AXIN2: variants seen among roughly 807,000 people sequenced by gnomAD.
AXIN2 encodes axin-2.
A neutral mutation model predicts 74.7 loss-of-function variants in AXIN2; 21 were observed. The ratio of observed to expected loss-of-function variants is 0.28; its 90% CI spans 0.20 to 0.40. The LOEUF (loss-of-function observed/expected upper bound fraction) is 0.40, where lower values mean the gene tolerates loss of function less well. Ranked by LOEUF, AXIN2 falls within the 10% of genes least tolerant of loss-of-function variation. The pLI is 1.00. For missense variants in AXIN2, 1,144 were observed against 1,111.1 expected, an observed-to-expected ratio of 1.03 and a Z score of -0.42; for synonymous variants, 532 against 454.9, an observed-to-expected ratio of 1.17 and a Z score of -2.16.
At chr17:65,539,822 C>T (rs1725146310) in intron 4 of AXIN2, among the ~76,000 whole-genome samples, 1 of 152,154 alleles carries the variant, frequency 6.6e-6, no homozygotes, top group Admixed American at 6.5e-5. Flanking sequence ...TGCTTTCTTC[C>T]CCTCCCCTCC....
rs769558841 is a variant in AXIN2, at chr17:65,537,546, C to T, written c.1490G>A (p.Cys497Tyr). The T allele has an allele frequency of 1.2e-6, 2 of 1,612,824 alleles. No individual in the cohort carries two copies. The highest frequency in any genetic ancestry group is 1.7e-4 in the Middle Eastern group (1 of 5,938). ...LPPAAASPGACPLLGGKGFVT... is the reference protein window; with the variant it reads ...LPPAAASPGAYPLLGGKGFVT... ...AAAGCCTTTGCCCCCGAGGAGGGGG[C>T]AGGCGCCCGGCGAGGCGGCCGCGGG... is the stretch of plus-strand genomic sequence containing the variant. Residue 497 changes from cysteine (C) to tyrosine (Y), a missense_variant, in exon 6 of 11, where the codon TGC (cysteine) becomes TAC (tyrosine). Physicochemically the swap from Cys to Tyr is radical, Grantham distance 194. This residue lies in a region of AXIN2 where 1,053 missense variants were observed against 973.5 expected (regional missense o/e 1.08). Coordinates refer to ENST00000307078, the MANE Select transcript of AXIN2 (RefSeq NM_004655.4).
At chr17:65,557,585 C>T (rs542996226) in intron 2 of AXIN2, among the ~76,000 whole-genome samples, 3 of 152,334 alleles carry the variant, frequency 2.0e-5, no homozygotes, top group African/African-American at 4.8e-5. Flanking sequence ...CTGCTTGCCA[C>T]TGTTTGAAGT....
chr17:65,554,790 C>T (rs963197581), intron 2 of AXIN2, among the ~76,000 whole-genome samples: 2 of 152,144 alleles, frequency 1.3e-5, no homozygotes, highest in Non-Finnish European at 2.9e-5. Flanking sequence ...CACAAGGGCC[C>T]GTGCAGAAAG....
chr17:65,539,620 T>C (rs1598102389), intron 4 of AXIN2, among the ~76,000 whole-genome samples: 1 of 152,250 alleles, frequency 6.6e-6, no homozygotes, highest in East Asian at 1.9e-4. Flanking sequence ...AATTTTAATA[T>C]GCTAATTTTA....
At chr17:65,534,599 C>G (rs1055352807) in intron 9 of AXIN2, among the ~76,000 whole-genome samples, 1 of 152,162 alleles carries the variant, frequency 6.6e-6, no homozygotes, top group African/African-American at 2.4e-5. Flanking sequence ...TGTCCATTTC[C>G]CCATTTCTTC....
At chr17:65,553,370 A>C (rs3923086) in intron 2 of AXIN2, among the ~76,000 whole-genome samples, 62,343 of 152,008 alleles carry the variant, frequency 0.41, 16,121 homozygotes, top group Non-Finnish European at 0.57. Context: ...AATAGCATTC[A>C]AACACTCTTT....
At chr17:65,560,810 G>T (rs986713785) in intron 1 of AXIN2, 1 of 149,822 alleles carries the variant, frequency 6.7e-6, no homozygotes, top group African/African-American at 2.5e-5. Context: ...CGGCCGCCTC[G>T]GCCTCGGCAC....
At chr17:65,551,606 G>C (rs2044194548) in intron 2 of AXIN2, among the ~76,000 whole-genome samples, 1 of 152,200 alleles carries the variant, frequency 6.6e-6, no homozygotes, top group Non-Finnish European at 1.5e-5. Flanking sequence ...TTGGTGTGAG[G>C]GTCTGTCTCA....
chr17:65,553,028 C>G (rs1567765410), intron 2 of AXIN2, among the ~76,000 whole-genome samples: 1 of 151,438 alleles, frequency 6.6e-6, no homozygotes, highest in Non-Finnish European at 1.5e-5. Flanking sequence ...AACTCCATCT[C>G]AAAAAAAACA....
chr17:65,539,006 G>C (rs1312645151), intron 4 of AXIN2, among the ~76,000 whole-genome samples: 2 of 152,152 alleles, frequency 1.3e-5, no homozygotes, highest in Non-Finnish European at 2.9e-5. Context: ...CTGCAGGCTA[G>C]TAGCAGAACA....
In AXIN2 at chr17:65,558,398, G is replaced by C. The variant is rs780394272; in HGVS notation, c.223C>G (p.Leu75Val). Residue 75 changes from leucine (L) to valine (V), a missense_variant, in exon 2 of 11, where the codon CTG (leucine) becomes GTG (valine). Physicochemically the swap from Leu to Val is conservative, Grantham distance 32. Coordinates refer to ENST00000307078, the MANE Select transcript of AXIN2 (RefSeq NM_004655.4). Reference sequence around the variant, plus strand: ...TGTAAGGACTTGGTCCACCGGGTCAGAGGGGAATCCGGAGATGCCCGCCCC... The same window carrying C: ...TGTAAGGACTTGGTCCACCGGGTCACAGGGGAATCCGGAGATGCCCGCCCC... ...PEGRASPDSP[L>V]TRWTKSLHSL... is the part of the protein sequence containing the mutation. 1.2e-6 allele frequency: 2 copies of C among 1,606,592 alleles called. No homozygotes were observed. The highest frequency in any genetic ancestry group is 1.7e-6 in the Non-Finnish European group (2 of 1,174,690).
intron 2 of AXIN2, among the ~76,000 whole-genome samples, chr17:65,553,926 C>G (rs1005512411): frequency 2.0e-5 from 3 of 151,672 alleles, no homozygotes; most frequent in Non-Finnish European, 2.9e-5. Context: ...TGTTGTGCTT[C>G]CAGTTGCTGC....
chr17:65,539,982 T>C (rs2044016713), intron 4 of AXIN2, among the ~76,000 whole-genome samples: 1 of 152,174 alleles, frequency 6.6e-6, no homozygotes, highest in Non-Finnish European at 1.5e-5. Flanking sequence ...TCATCCACCA[T>C]CTCAGTCACA....
chr17:65,538,660 CAACCATCAAAAAAAAAAAA>C (rs1182194270), intron 4 of AXIN2, among the ~76,000 whole-genome samples: 1 of 21,266 alleles, frequency 4.7e-5, no homozygotes, highest in African/African-American at 2.6e-4. Flanking sequence ...AGACTGTTGT[CAACCATCAAAAAAAAAAAA>C]AAAAAAAAAA....
intron 6 of AXIN2, 23 bp from the exon 7 acceptor site, chr17:65,537,086 C>T: frequency 1.3e-6 from 2 of 1,595,434 alleles, no homozygotes; most frequent in Non-Finnish European, 1.7e-6. Flanking sequence ...AAGAACCACA[C>T]CCAACCCAGA....
chr17:65,557,912 C>T lies in AXIN2; in HGVS notation c.709G>A (p.Ala237Thr). ...GGCGAAAGTTTGCACTTGAAGTCGG[C>T]ACAAGTCCACTCCTCTTCTTCATTC... ...TLNEEEEWTC[A>T]DFKCKLSPTV... is the part of the protein sequence containing the mutation. The change falls in exon 2 of 11, where the codon GCC becomes ACC. Residue 237 changes from alanine (A) to threonine (T), a missense_variant. By Grantham distance (58) the Ala-to-Thr change is moderately conservative. Around this residue, in one of 4 missense-constraint regions of AXIN2, gnomAD observed 1,053 missense variants for 973.5 expected, o/e 1.08. Coordinates refer to ENST00000307078, the MANE Select transcript of AXIN2 (RefSeq NM_004655.4). 3 of 1,614,202 alleles carry T rather than the reference C, an allele frequency of 1.9e-6. No homozygotes were observed. The highest frequency in any genetic ancestry group is 2.5e-6 in the Non-Finnish European group (3 of 1,180,030).
intron 4 of AXIN2, 151 bp downstream of exon 4, chr17:65,541,304 C>T (rs2044038481): frequency 1.4e-6 from 1 of 730,238 alleles, no homozygotes; most frequent in South Asian, 1.5e-5. Context: ...TGCCTATTGT[C>T]CAGTTCTTTT....
chr17:65,560,285 G>C (rs569431744), intron 1 of AXIN2: 1 of 152,270 alleles, frequency 6.6e-6, no homozygotes, highest in East Asian at 1.9e-4. Context: ...GGACACGGGC[G>C]CCCCGGACTT....
At chr17:65,549,911 T>A (rs1016449452) in intron 2 of AXIN2, among the ~76,000 whole-genome samples, 1 of 152,134 alleles carries the variant, frequency 6.6e-6, no homozygotes, top group Non-Finnish European at 1.5e-5. Flanking sequence ...GCAGAGAGTA[T>A]TCCAGAGGCA....
Sources: allele counts gnomAD v4.1 joint callset (sites outside exome capture counted in the v4.1 genomes callset), GRCh38; gene constraint gnomAD v4.1.1; regional missense constraint gnomAD v4.1.1; transcripts MANE v1.5; gene names NCBI Gene and HGNC (gene_info 2026-07-23, HGNC 2026-07-21).